The following ITPK1 variants were observed in gnomAD, a reference collection of about 807,000 sequenced individuals.
ITPK1 encodes inositol 1,3,4-trisphosphate 5/6-kinase.
Under a neutral mutation model 45.3 loss-of-function variants are expected in ITPK1, and 21 were observed. The ratio of observed to expected loss-of-function variants is 0.46; its 90% confidence interval spans 0.33 to 0.67. The LOEUF (loss-of-function observed/expected upper bound fraction) is 0.67, where lower values mean the gene tolerates loss of function less well. Among genes scored for constraint, ITPK1 ranks in the 30% least tolerant of loss-of-function variants. ITPK1 has a pLI of 0.02. For synonymous variants in ITPK1, 258 were observed against 253.6 expected (o/e 1.02, Z -0.16); for missense variants, 474 against 573.5 (o/e 0.83, Z 1.77).
In ITPK1 at chr14:93,076,087, T is replaced by A; in HGVS notation, c.120+508A>T. Among the ~76,000 whole-genome samples the A allele has an allele frequency of 6.6e-6, 1 of 151,040 alleles. No homozygotes were observed. Among genetic ancestry groups the A allele is most frequent in the Non-Finnish European group, 1.5e-5 (1 of 67,680 alleles). On this transcript the variant is annotated intron_variant, in intron 3 of 10. Coordinates refer to ENST00000267615, the MANE Select transcript of ITPK1 (RefSeq NM_014216.6). The surrounding 1 kb of genome is among the most constrained non-coding windows in gnomAD (Gnocchi z 4.3). Reference sequence around the variant, plus strand: ...TATCCTTCCTCCCCTCCATCCATCCTTCCTTCTCCCTCCATCCTTCCTTCT... The same window carrying A: ...TATCCTTCCTCCCCTCCATCCATCCATCCTTCTCCCTCCATCCTTCCTTCT...
At chr14:93,019,476 C>T (rs966122015) in intron 3 of ITPK1, among the ~76,000 whole-genome samples, 1 of 152,358 alleles carries the variant, frequency 6.6e-6, no homozygotes, top group Admixed American at 6.5e-5. Flanking sequence ...TGTGTATTTT[C>T]CAAGCATTTT....
intron 3 of ITPK1, among the ~76,000 whole-genome samples, chr14:93,039,638 T>C (rs1889477362): frequency 6.6e-6 from 1 of 152,204 alleles, no homozygotes; most frequent in Non-Finnish European, 1.5e-5. Flanking sequence ...CCACTGTGCT[T>C]CTGTGACCAC....
rs544213051 is a variant in ITPK1 at position 93,067,358 on chromosome 14, G to A, written c.120+9237C>T. ...TGCAAGAAGGCACCCAGGCACCCTG[G>A]AGCACAGGGAGCCCCACCTGCCCTG... On this transcript the variant is annotated intron_variant, in intron 3 of 10. Transcript: ENST00000267615. 2.6e-5 allele frequency: 4 copies of A among 152,220 alleles called. No individual in the cohort carries two copies. In the South Asian group the frequency reaches 6.2e-4, roughly 24 times the overall value. 9.4% of individuals were successfully genotyped at this position (152,220 alleles called of 1,614,324 possible).
In ITPK1 at chr14:92,983,789, C is replaced by T. The variant is rs182379548; in HGVS notation, c.364+10091G>A. On this transcript the variant is annotated intron_variant, in intron 5 of 10. Coordinates refer to ENST00000267615, the MANE Select transcript of ITPK1 (RefSeq NM_014216.6). ...TAGGGATTAATTATGCAGAAATATGCAGGGAGCTGTTTACTGCAGCCCAGT... is the reference window on the plus strand; with the variant it reads ...TAGGGATTAATTATGCAGAAATATGTAGGGAGCTGTTTACTGCAGCCCAGT... Among the ~76,000 whole-genome samples the T allele has an allele frequency of 5.2e-3, 794 of 151,590 alleles. 2 individuals carry two copies. Among genetic ancestry groups the T allele is most frequent in the Non-Finnish European group, 7.7e-3 (524 of 67,964 alleles).
At position 93,063,861 on chromosome 14, in the gene ITPK1, C is replaced by T. The variant is rs192889667; in HGVS notation, c.120+12734G>A. Among the ~76,000 whole-genome samples the T allele has an allele frequency of 6.6e-6, 1 of 152,318 alleles. No individual in the cohort carries two copies. The highest frequency in any genetic ancestry group is 6.5e-5 in the Admixed American group (1 of 15,304). On this transcript the variant is annotated intron_variant, in intron 3 of 10. Coordinates refer to ENST00000267615, the MANE Select transcript of ITPK1 (RefSeq NM_014216.6). The surrounding 1 kb of genome is among the most constrained non-coding windows in gnomAD (Gnocchi z 4.3). ...CACACAGGAGTTCTCACTGCTGCTG[C>T]CTGGGCTGCTCATAGAAGCCCAGCC...
At chr14:93,066,336 GTGTGTA>G (rs200126261) in intron 3 of ITPK1, 57,767 of 447,360 alleles carry the variant, frequency 0.13, 4,260 homozygotes, top group South Asian at 0.23. Context: ...GTGTGTGTGT[GTGTGTA>G]GGGGGCAGAG....
At chr14:93,113,517 G>C (rs1015552247) in intron 2 of ITPK1, among the ~76,000 whole-genome samples, 1 of 152,220 alleles carries the variant, frequency 6.6e-6, no homozygotes, top group Non-Finnish European at 1.5e-5. Flanking sequence ...TGCAGGGGGA[G>C]CTCCGGTGCC....
chr14:93,054,009 G>A (rs772300852), intron 3 of ITPK1, among the ~76,000 whole-genome samples: 11 of 152,178 alleles, frequency 7.2e-5, no homozygotes, highest in Non-Finnish European at 7.3e-5. Flanking sequence ...GGAAGGAAGC[G>A]AAGAGCAAAG....
At chr14:93,101,252 C>CT (rs1165581364) in intron 2 of ITPK1, among the ~76,000 whole-genome samples, 5 of 152,232 alleles carry the variant, frequency 3.3e-5, no homozygotes, top group African/African-American at 1.2e-4. Flanking sequence ...GCCAGCCACT[C>CT]TGAGCTGCAA....
rs756000302 is a variant in ITPK1, at chr14:92,938,576, C to T, written c.*2985G>A. On this transcript the variant is annotated 3_prime_UTR_variant, in exon 11 of 11. Coordinates refer to ENST00000267615, the MANE Select transcript of ITPK1 (RefSeq NM_014216.6). ...CCCAGGTTGCTTTCTCCTTTATTGACAGGCATGAGACACAGGCAGGCCCAG... is the reference window on the plus strand; with the variant it reads ...CCCAGGTTGCTTTCTCCTTTATTGATAGGCATGAGACACAGGCAGGCCCAG... The T allele has an allele frequency of 2.7e-6, 4 of 1,488,948 alleles. No individual in the cohort carries two copies. Among genetic ancestry groups the T allele is most frequent in the South Asian group, 2.3e-5 (2 of 87,564 alleles). The allele number at this position is 1,488,948 out of a possible 1,614,324, so 92.2% of individuals were successfully genotyped here.
At position 92,993,924 on chromosome 14, in the gene ITPK1, G is replaced by T. The variant is rs764005895; in HGVS notation, c.320C>A (p.Ser107Tyr). ...CTTCCGGATGAGCTCATAGGACTTG[G>T]AGCGGTCAAGCAGGGTTCTGATGGC... ...LPAIRTLLDRSKSYELIRKIE... is the reference protein window; with the variant it reads ...LPAIRTLLDRYKSYELIRKIE... The change falls in exon 5 of 11, where the codon TCC becomes TAC. Residue 107 changes from serine (S) to tyrosine (Y), a missense_variant. Physicochemically the swap from Ser to Tyr is moderately radical, Grantham distance 144. Around this residue, in one of 2 missense-constraint regions of ITPK1, gnomAD observed 367 missense variants for 480.6 expected, o/e 0.76. Transcript: ENST00000267615. 6.2e-7 allele frequency: 1 copy of T among 1,613,922 alleles called. No individual in the cohort carries two copies. Among genetic ancestry groups the T allele is most frequent in the East Asian group, 2.2e-5 (1 of 44,858 alleles).
At chr14:93,022,828 A>C (rs536245181) in intron 3 of ITPK1, among the ~76,000 whole-genome samples, 1 of 151,948 alleles carries the variant, frequency 6.6e-6, no homozygotes, top group Non-Finnish European at 1.5e-5. Flanking sequence ...GCCTGGCCAT[A>C]TCTCTTAAAA....
At chr14:93,031,138 A>G (rs1889030789) in intron 3 of ITPK1, among the ~76,000 whole-genome samples, 1 of 152,138 alleles carries the variant, frequency 6.6e-6, no homozygotes, top group Non-Finnish European at 1.5e-5. Context: ...AGCACTGGCA[A>G]ATGAATCCAA....
intron 3 of ITPK1, among the ~76,000 whole-genome samples, chr14:93,031,764 T>C (rs1168488492): frequency 6.6e-5 from 10 of 152,344 alleles, no homozygotes; most frequent in African/African-American, 2.4e-4. Context: ...CGGCCTGGGA[T>C]GTTTATTTTT....
At chr14:93,053,044 G>A (rs1595171126) in intron 3 of ITPK1, among the ~76,000 whole-genome samples, 2 of 151,892 alleles carry the variant, frequency 1.3e-5, no homozygotes, top group East Asian at 3.9e-4. Context: ...GAGTTAATGG[G>A]TGCAGCACAC....
chr14:93,114,380 C>T (rs572686156), intron 2 of ITPK1, among the ~76,000 whole-genome samples: 1 of 152,246 alleles, frequency 6.6e-6, no homozygotes, highest in African/African-American at 2.4e-5. Flanking sequence ...GGCATTTACC[C>T]AGCACTTTCT....
chr14:93,010,208 C>T (rs1407428403), intron 4 of ITPK1, among the ~76,000 whole-genome samples: 1 of 152,182 alleles, frequency 6.6e-6, no homozygotes, highest in Admixed American at 6.5e-5. Flanking sequence ...TTAGATTCTA[C>T]GGTGTTATTT....
In ITPK1 at chr14:92,946,496, G is replaced by T. The variant is rs1204408740; in HGVS notation, c.739-3C>A. 6.2e-7 allele frequency: 1 copy of T among 1,612,030 alleles called. No individual in the cohort carries two copies. The highest frequency in any genetic ancestry group is 1.7e-5 in the Admixed American group (1 of 60,002). ...AACACGCCCTCGATCTTGTCCAGCT[G>T]CCAACATACACAAGGAAGTCAGGCC... On this transcript the variant is annotated splice_region_variant and splice_polypyrimidine_tract_variant and intron_variant, in intron 9 of 10. Transcript: ENST00000267615.
chr14:93,046,822 C>T (rs529486862), intron 3 of ITPK1, among the ~76,000 whole-genome samples: 3 of 152,160 alleles, frequency 2.0e-5, no homozygotes, highest in Non-Finnish European at 2.9e-5. Context: ...ACCCAGGCTG[C>T]GAACCCCCAT....
Sources: allele counts gnomAD v4.1 joint callset (sites outside exome capture counted in the v4.1 genomes callset), GRCh38; gene constraint gnomAD v4.1.1; regional missense constraint gnomAD v4.1.1; non-coding constraint Gnocchi (gnomAD v3.1); transcripts MANE v1.5; gene names NCBI Gene and HGNC (gene_info 2026-07-23, HGNC 2026-07-21).